The following GRIP1 variants were observed in gnomAD, a reference collection of about 807,000 sequenced individuals.
The protein encoded by GRIP1 is glutamate receptor-interacting protein 1.
In GRIP1, 45 loss-of-function variants were observed where a neutral mutation model predicts 129.9. The observed-to-expected ratio is 0.35, with a 90% CI of 0.27 to 0.44. GRIP1 has a LOEUF of 0.44. Among genes scored for constraint, GRIP1 ranks in the 20% least tolerant of loss-of-function variants. GRIP1 has a pLI of 1.00. For missense variants in GRIP1, 1,196 were observed against 1,396.8 expected (o/e 0.86, Z 2.29); for synonymous variants, 530 against 520.8 (o/e 1.02, Z -0.24).
At chr12:67,035,066 C>T (rs1448597322) in intron 1 of GRIP1, among the ~76,000 whole-genome samples, 4 of 152,184 alleles carry the variant, frequency 2.6e-5, no homozygotes, top group African/African-American at 7.2e-5. Context: ...TAAATTATTC[C>T]TCAGCCTGAT....
chr12:67,051,097 A>G (rs2043338734), intron 1 of GRIP1, among the ~76,000 whole-genome samples: 1 of 152,176 alleles, frequency 6.6e-6, no homozygotes, highest in Admixed American at 6.6e-5. Context: ...CTTAGGGTAT[A>G]TGGTGTTGTG....
intron 16 of GRIP1, among the ~76,000 whole-genome samples, chr12:66,403,737 C>T (rs1045168222): frequency 5.9e-5 from 9 of 152,032 alleles, no homozygotes; most frequent in African/African-American, 2.2e-4. Flanking sequence ...GCACAATAAC[C>T]ATCATAATAG....
intron 1 of GRIP1, among the ~76,000 whole-genome samples, chr12:66,615,949 A>G (rs1010472305): frequency 6.6e-6 from 1 of 152,188 alleles, no homozygotes; most frequent in East Asian, 1.9e-4. Flanking sequence ...CTGGCCTTAA[A>G]TGGCAAACTT....
intron 1 of GRIP1, among the ~76,000 whole-genome samples, chr12:66,991,496 T>C (rs1370591427): frequency 1.3e-5 from 2 of 152,202 alleles, no homozygotes; most frequent in African/African-American, 4.8e-5. Flanking sequence ...TATACATAAA[T>C]ATGACAATGG....
At chr12:66,688,867 G>A (rs1050198657) in intron 1 of GRIP1, among the ~76,000 whole-genome samples, 2 of 152,076 alleles carry the variant, frequency 1.3e-5, no homozygotes, top group African/African-American at 4.8e-5. Context: ...ATAAAAATGG[G>A]CGCCGTGAAA....
intron 1 of GRIP1, among the ~76,000 whole-genome samples, chr12:67,057,582 T>C (rs550800667): frequency 6.6e-6 from 1 of 152,272 alleles, no homozygotes; most frequent in African/African-American, 2.4e-5. Flanking sequence ...AATGCAGTTA[T>C]TGAGTATAGA....
At chr12:66,786,279 C>T (rs574445235) in intron 1 of GRIP1, among the ~76,000 whole-genome samples, 19 of 152,222 alleles carry the variant, frequency 1.2e-4, no homozygotes, top group African/African-American at 4.1e-4. Flanking sequence ...AATCAATACA[C>T]ATGGTCAGAT....
intron 1 of GRIP1, among the ~76,000 whole-genome samples, chr12:66,675,172 A>C (rs963167268): frequency 1.3e-5 from 2 of 152,202 alleles, no homozygotes; most frequent in African/African-American, 2.4e-5. Context: ...ATGAGCTTTG[A>C]GCCAGTAGAG....
At chr12:66,840,480 G>A (rs796512569) in intron 1 of GRIP1, among the ~76,000 whole-genome samples, 13 of 152,270 alleles carry the variant, frequency 8.5e-5, no homozygotes, top group African/African-American at 2.6e-4. Context: ...GAGCAGGGAA[G>A]GAACAAGATC....
chr12:66,444,533 A>G (rs2058566644), intron 13 of GRIP1, 51 bp downstream of exon 13: 2 of 1,372,266 alleles, frequency 1.5e-6, no homozygotes, highest in South Asian at 1.2e-5. Flanking sequence ...TCTCTGCCAC[A>G]TAACCAATAT....
chr12:66,534,875 G>A (rs2061561439), intron 4 of GRIP1, among the ~76,000 whole-genome samples: 1 of 152,032 alleles, frequency 6.6e-6, no homozygotes, highest in Non-Finnish European at 1.5e-5. Context: ...TGTGTTTTTA[G>A]TAGATACAGG....
intron 1 of GRIP1, among the ~76,000 whole-genome samples, chr12:66,922,316 C>T (rs2041226568): frequency 6.6e-6 from 1 of 152,192 alleles, no homozygotes; most frequent in African/African-American, 2.4e-5. Flanking sequence ...AGAGAGGAAG[C>T]ATCATTGCCC....
At chr12:66,428,295 T>C (rs566133161) in intron 14 of GRIP1, among the ~76,000 whole-genome samples, 1 of 152,238 alleles carries the variant, frequency 6.6e-6, no homozygotes, top group Non-Finnish European at 1.5e-5. Context: ...GAGCAGTGAG[T>C]AGAGCTTTTT....
chr12:66,574,790 T>TTTTTTTTTTTTTTTTTCA (rs55885862), intron 2 of GRIP1, among the ~76,000 whole-genome samples: 1 of 142,068 alleles, frequency 7.0e-6, no homozygotes, highest in Non-Finnish European at 1.5e-5. Flanking sequence ...CACTTTTCTT[T>TTTTTTTTTTTTTTTTTCA]TTTTTTTTTT....
chr12:66,367,211 T>TA (rs1191270618), intron 23 of GRIP1, among the ~76,000 whole-genome samples: 2 of 152,162 alleles, frequency 1.3e-5, no homozygotes, highest in African/African-American at 4.8e-5. Context: ...GAATCTGTGA[T>TA]AAGCTGTAGT....
intron 1 of GRIP1, among the ~76,000 whole-genome samples, chr12:66,677,849 A>T (rs762625082): frequency 9.9e-5 from 15 of 152,206 alleles, no homozygotes; most frequent in Non-Finnish European, 1.8e-4. Context: ...AGCTAAACTG[A>T]CAGAAATAGC....
intron 1 of GRIP1, among the ~76,000 whole-genome samples, chr12:66,890,033 A>G (rs914616432): frequency 6.6e-6 from 1 of 151,970 alleles, no homozygotes; most frequent in Admixed American, 6.6e-5. Context: ...AGGCTCTCAA[A>G]CTGTCCTCCC....
rs146811494 is a variant in GRIP1 at position 67,017,822 on chromosome 12, T to C, written c.58+51228A>G. Among the ~76,000 whole-genome samples the C allele has an allele frequency of 1.8e-3, 274 of 152,316 alleles. 1 individual carries two copies. The East Asian group carries it at 0.022, about 12-fold the overall frequency. On this transcript the variant is annotated intron_variant, in intron 1 of 1. Transcript: ENST00000643019. ...GCCAGCCCCACTGGGGTGCCCGTTA[T>C]ATGAACAGAGAAGCCATTGGGGCTT...
chr12:66,510,958 C>T (rs1436496270), intron 7 of GRIP1, among the ~76,000 whole-genome samples: 1 of 152,162 alleles, frequency 6.6e-6, no homozygotes, highest in African/African-American at 2.4e-5. Flanking sequence ...GATACTACCA[C>T]ATGCTGATCA....
Sources: allele counts gnomAD v4.1 joint callset (sites outside exome capture counted in the v4.1 genomes callset), GRCh38; gene constraint gnomAD v4.1.1; transcripts MANE v1.5; gene names NCBI Gene and HGNC (gene_info 2026-07-23, HGNC 2026-07-21).